JAK1: variants seen among roughly 807,000 people sequenced by gnomAD.
The protein encoded by JAK1 is Janus kinase 1.
Under a neutral mutation model 136.6 loss-of-function variants are expected in JAK1, and 16 were observed. That is an observed-to-expected ratio of 0.12 (90% CI 0.08 to 0.18). The LOEUF (loss-of-function observed/expected upper bound fraction) is 0.18, where lower values mean the gene tolerates loss of function less well. Ranked by LOEUF, JAK1 falls within the 10% of genes least tolerant of loss-of-function variation. The pLI is 1.00. For missense variants in JAK1, 859 were observed against 1,450.1 expected (o/e 0.59, Z 6.62); for synonymous variants, 492 against 519.5 (o/e 0.95, Z 0.72).
At chr1:64,978,987 T>G (rs953486681) in intron 2 of JAK1, among the ~76,000 whole-genome samples, 7 of 152,252 alleles carry the variant, frequency 4.6e-5, no homozygotes, top group Non-Finnish European at 8.8e-5. Context: ...TTAACTTTAC[T>G]GTGTCCACGT....
chr1:64,903,470 C>T (rs966726248), intron 1 of JAK1, among the ~76,000 whole-genome samples: 6 of 152,166 alleles, frequency 3.9e-5, no homozygotes, highest in African/African-American at 1.4e-4. Context: ...ATTCTCTGAG[C>T]CTGTTCAAGG....
intron 1 of JAK1, among the ~76,000 whole-genome samples, chr1:64,937,673 C>CA (rs200382725): frequency 5.3e-5 from 8 of 150,282 alleles, no homozygotes; most frequent in South Asian, 2.1e-4. Context: ...CATAGAATGA[C>CA]AAAAAAAAAC....
intron 2 of JAK1, among the ~76,000 whole-genome samples, chr1:65,005,182 A>C (rs1206313300): frequency 6.6e-6 from 1 of 152,158 alleles, no homozygotes; most frequent in Non-Finnish European, 1.5e-5. Flanking sequence ...CATCTCTACT[A>C]AAAATACAAA....
intron 2 of JAK1, among the ~76,000 whole-genome samples, chr1:65,018,017 C>T (rs1646904403): frequency 6.6e-6 from 1 of 151,936 alleles, no homozygotes; most frequent in African/African-American, 2.4e-5. Flanking sequence ...ACCATGTTGG[C>T]CGGCGCTGGT....
chr1:65,023,781 C>A (rs1386677970), intron 2 of JAK1, among the ~76,000 whole-genome samples: 1 of 152,128 alleles, frequency 6.6e-6, no homozygotes, highest in African/African-American at 2.4e-5. Flanking sequence ...CTGCACCCTG[C>A]TGAGGGAACC....
chr1:65,046,582 C>G (rs1416117249), intron 1 of JAK1, among the ~76,000 whole-genome samples: 7 of 152,206 alleles, frequency 4.6e-5, no homozygotes, highest in Non-Finnish European at 1.5e-5. Context: ...GACAGTGTAG[C>G]TGTCCATCAG....
At chr1:64,845,003 C>A in intron 15 of JAK1, 114 bp from the exon 16 acceptor site, 1 of 1,391,360 alleles carries the variant, frequency 7.2e-7, no homozygotes, top group Non-Finnish European at 1.0e-6. Context: ...ATCTGGACAG[C>A]CTGGCCCTGC....
At chr1:64,933,300 AT>A (rs1259716610) in intron 1 of JAK1, among the ~76,000 whole-genome samples, 5 of 152,208 alleles carry the variant, frequency 3.3e-5, no homozygotes, top group Non-Finnish European at 5.9e-5. Context: ...CTTCTAAGCT[AT>A]TTTTAACAAC....
At chr1:64,914,963 T>C (rs930958507) in intron 1 of JAK1, among the ~76,000 whole-genome samples, 1 of 152,190 alleles carries the variant, frequency 6.6e-6, no homozygotes, top group African/African-American at 2.4e-5. Context: ...GGCACAACAC[T>C]ATTTAATAAA....
chr1:64,953,318 A>C (rs955959544), intron 1 of JAK1, among the ~76,000 whole-genome samples: 5 of 151,822 alleles, frequency 3.3e-5, no homozygotes, highest in African/African-American at 1.2e-4. Flanking sequence ...ACAGGTCTAC[A>C]CAGTCCATTT....
At position 64,834,560 on chromosome 1, in the gene JAK1, T is replaced by G; in HGVS notation, c.*2A>C. ...GTGGAATTTAAATGTTATTCATGCT[T>G]CTTATTTTAAAAGTGCTTCAAATCC... is the stretch of plus-strand genomic sequence containing the variant. On this transcript the variant is annotated 3_prime_UTR_variant, in exon 25 of 25. Transcript: ENST00000342505. 6.3e-7 allele frequency: 1 copy of G among 1,578,206 alleles called. No individual in the cohort carries two copies. Among genetic ancestry groups the G allele is most frequent in the Non-Finnish European group, 8.7e-7 (1 of 1,148,326 alleles).
intron 2 of JAK1, among the ~76,000 whole-genome samples, chr1:64,986,673 A>G (rs1013215931): frequency 6.6e-6 from 1 of 152,146 alleles, no homozygotes; most frequent in Non-Finnish European, 1.5e-5. Context: ...CAAGAAGATC[A>G]CTTGAGCCCA....
intron 1 of JAK1, among the ~76,000 whole-genome samples, chr1:65,053,811 C>G (rs970655215): frequency 6.6e-6 from 1 of 152,210 alleles, no homozygotes; most frequent in Non-Finnish European, 1.5e-5. Flanking sequence ...TATGGAAGAC[C>G]CTGTCTCCCC....
At chr1:64,872,626 T>C (rs1254677102) in intron 5 of JAK1, among the ~76,000 whole-genome samples, 1 of 152,216 alleles carries the variant, frequency 6.6e-6, no homozygotes, top group East Asian at 1.9e-4. Flanking sequence ...TCTTAGCAGG[T>C]ACAAGTGCCT....
chr1:64,991,655 G>A (rs181499314), intron 2 of JAK1: 1 of 152,262 alleles, frequency 6.6e-6, no homozygotes, highest in Admixed American at 6.5e-5. Flanking sequence ...CATCCAAATG[G>A]GAAAGAAAGA....
At chr1:64,937,734 C>T (rs1259794073) in intron 1 of JAK1, among the ~76,000 whole-genome samples, 1 of 152,098 alleles carries the variant, frequency 6.6e-6, no homozygotes, top group Non-Finnish European at 1.5e-5. Flanking sequence ...ATCCTTAAAG[C>T]GAGGTCAAAC....
chr1:64,874,875 G>A (rs12030949), intron 4 of JAK1, among the ~76,000 whole-genome samples: 1 of 152,154 alleles, frequency 6.6e-6, no homozygotes, highest in Admixed American at 6.5e-5. Flanking sequence ...AGGGCTCTCA[G>A]GCATGTTTCT....
rs754991396 is a variant in JAK1 at position 64,883,337 on chromosome 1, G to A, written c.145C>T (p.Arg49Trp). 3.2e-5 allele frequency: 51 copies of A among 1,614,010 alleles called. No individual in the cohort carries two copies. Among genetic ancestry groups the A allele is most frequent in the Admixed American group, 1.7e-4 (10 of 60,002 alleles). ...IFYLSDREPL[R>W]LGSGEYTAEE... is the part of the protein sequence containing the mutation. ...GCTGTGTACTCTCCACTGCCCAGCCGGAGGGGCTCCCTGTCCGACAGATAG... is the reference window on the plus strand; with the variant it reads ...GCTGTGTACTCTCCACTGCCCAGCCAGAGGGGCTCCCTGTCCGACAGATAG... Residue 49 changes from arginine (R) to tryptophan (W), a missense_variant, in exon 3 of 25, where the codon CGG (arginine) becomes TGG (tryptophan). Arg to Trp is a moderately radical substitution (Grantham distance 101, BLOSUM62 -3). Around this residue, in one of 4 missense-constraint regions of JAK1, gnomAD observed 353 missense variants for 494.0 expected, o/e 0.71. Transcript: ENST00000342505.
rs142779739 is a variant in JAK1, at chr1:65,032,112, C to T, written c.-78+12368G>A. Reference sequence around the variant, plus strand: ...TCCCAAGTCGCTGGGACTACAGGCACGCACCACCACGCCCAGCTAATTTTT... The same window carrying T: ...TCCCAAGTCGCTGGGACTACAGGCATGCACCACCACGCCCAGCTAATTTTT... On this transcript the variant is annotated intron_variant, in intron 2 of 25. Transcript: ENST00000671954. Among the ~76,000 whole-genome samples, 348 of 152,088 alleles carry T rather than the reference C, an allele frequency of 2.3e-3. 2 individuals carry two copies. Among genetic ancestry groups the T allele is most frequent in the African/African-American group, 7.9e-3 (326 of 41,528 alleles).
Sources: allele counts gnomAD v4.1 joint callset (sites outside exome capture counted in the v4.1 genomes callset), GRCh38; gene constraint gnomAD v4.1.1; regional missense constraint gnomAD v4.1.1; transcripts MANE v1.5; gene names NCBI Gene and HGNC (gene_info 2026-07-23, HGNC 2026-07-21).